The following COG8 variants were observed in gnomAD, a reference collection of about 807,000 sequenced individuals.
COG8 encodes the protein conserved oligomeric Golgi complex subunit 8.
In COG8, 45 loss-of-function variants were observed where a neutral mutation model predicts 46.5. The ratio of observed to expected loss-of-function variants is 0.97; its 90% CI spans 0.76 to 1.24. COG8 has a LOEUF of 1.24. Ranked by LOEUF, COG8 falls within the 50% of genes most tolerant of loss-of-function variation. COG8 has a pLI of 0.00. For missense variants in COG8, 793 were observed against 820.8 expected, an observed-to-expected ratio of 0.97 and a Z score of 0.41; for synonymous variants, 407 against 347.8, an observed-to-expected ratio of 1.17 and a Z score of -1.90.
In COG8 at chr16:69,328,776, T is replaced by G. The variant is rs1170775901; in HGVS notation, c.*430A>C. On this transcript the variant is annotated 3_prime_UTR_variant, in exon 6 of 6. Coordinates refer to ENST00000306875, the MANE Select transcript of COG8 (RefSeq NM_032382.5). ...TACCCCACCTTCCTCCATACAGAAT[T>G]GTTAGGAAATGTCCACTCCTTTGGG... is the stretch of plus-strand genomic sequence containing the variant. The G allele has an allele frequency of 2.0e-6, 1 of 494,768 alleles. No homozygotes were observed. Among genetic ancestry groups the G allele is most frequent in the Non-Finnish European group, 3.5e-6 (1 of 284,912 alleles). The allele number at this position is 494,768 out of a possible 1,614,324, so 30.6% of individuals were successfully genotyped here. A position where few individuals can be genotyped will look rare whatever the true frequency, so the allele number is the denominator to read the frequency against.
chr16:69,335,092 T>G lies in COG8; in HGVS notation c.842A>C (p.His281Pro). 1.2e-6 allele frequency: 2 copies of G among 1,614,148 alleles called. No individual in the cohort carries two copies. Among genetic ancestry groups the G allele is most frequent in the Non-Finnish European group, 1.7e-6 (2 of 1,180,024 alleles). ...GTACTGGGTGATGATATCAAAGAGA[T>G]GGACACGGGAGGCCTCGATGGTTTT... Reference protein sequence around the residue: ...ITKTIEASRVHLFDIITQYRA... With the variant: ...ITKTIEASRVPLFDIITQYRA... Residue 281 changes from histidine to proline, a missense_variant, in exon 3 of 6, where the codon CAT becomes CCT. Physicochemically the swap from His to Pro is moderately conservative, Grantham distance 77. Coordinates refer to ENST00000306875, the MANE Select transcript of COG8 (RefSeq NM_032382.5).
intron 4 of COG8, among the ~76,000 whole-genome samples, chr16:69,331,383 G>A (rs1476444422): frequency 2.7e-5 from 4 of 147,018 alleles, no homozygotes; most frequent in African/African-American, 1.0e-4. Flanking sequence ...AACCTAGGAG[G>A]TGGAGATTGC....
Position 69,336,568 on chromosome 16 carries a change from G to A in COG8, c.522C>T (p.Ala174=), listed in dbSNP as rs375227294. 339 of 1,613,980 alleles carry A rather than the reference G, an allele frequency of 2.1e-4. No homozygotes were observed. The highest frequency in any genetic ancestry group is 2.7e-4 in the Non-Finnish European group (319 of 1,180,026). The change falls in exon 2 of 6, where the codon GCC becomes GCT. Residue 174 remains alanine (A), a synonymous_variant. Coordinates refer to ENST00000306875, the MANE Select transcript of COG8 (RefSeq NM_032382.5). ...GGCGTACGTAGGCTGCAAGCTCCAGGGCCTCTTCATAATAACTGTTCCGGA... is the reference window on the plus strand; with the variant it reads ...GGCGTACGTAGGCTGCAAGCTCCAGAGCCTCTTCATAATAACTGTTCCGGA... ...TCVRNSYYEE[A]LELAAYVRRL... is the part of the protein sequence containing the mutation.
In COG8 at chr16:69,335,202, C is replaced by T; in HGVS notation, c.732G>A (p.Arg244=). ...CATCTCGGGCCTGAAGAAACTTCACCCTCAACTCAGCCTCAGTGAAGACGT... is the reference window on the plus strand; with the variant it reads ...CATCTCGGGCCTGAAGAAACTTCACTCTCAACTCAGCCTCAGTGAAGACGT... The part of the protein sequence containing the change: ...RMDVFTEAEL[R]VKFLQARDAW... The change falls in exon 3 of 6, where the codon AGG becomes AGA. Residue 244 remains arginine, a synonymous_variant. Transcript: ENST00000306875. 1.9e-6 allele frequency: 3 copies of T among 1,614,136 alleles called. No homozygotes were observed. The highest frequency in any genetic ancestry group is 1.7e-6 in the Non-Finnish European group (2 of 1,180,024).
intron 3 of COG8, among the ~76,000 whole-genome samples, chr16:69,333,565 G>A (rs1032771442): frequency 6.6e-6 from 1 of 152,202 alleles, no homozygotes; most frequent in Non-Finnish European, 1.5e-5. Context: ...TAAGCCCCGA[G>A]GTTTCAGAAA....
At chr16:69,331,453 CAAAAAAAAA>C (rs1185929938) in intron 4 of COG8, among the ~76,000 whole-genome samples, 2,504 of 61,306 alleles carry the variant, frequency 0.041, 114 homozygotes, top group African/African-American at 0.14. Context: ...AACTCCGTCT[CAAAAAAAAA>C]AAAAAAAAAA....
chr16:69,330,620 G>A, intron 5 of COG8, 193 bp downstream of exon 5: 3 of 1,409,182 alleles, frequency 2.1e-6, no homozygotes, highest in Non-Finnish European at 2.7e-6. Flanking sequence ...CCGCAGCGCG[G>A]GGCACGCCGG....
Position 69,330,905 on chromosome 16 carries a change from C to A in COG8, c.1773G>T (p.Ala591=). 6.4e-7 allele frequency: 1 copy of A among 1,553,184 alleles called. No homozygotes were observed. Among genetic ancestry groups the A allele is most frequent in the Non-Finnish European group, 8.7e-7 (1 of 1,148,424 alleles). Reference sequence around the variant, plus strand: ...GCCCTCCCTCCGGGCAGGCTGGGCCCGCGGGCTCCAGGCGTGGCTCCTCGG... The same window carrying A: ...GCCCTCCCTCCGGGCAGGCTGGGCCAGCGGGCTCCAGGCGTGGCTCCTCGG... ...PPAEEPRLEP[A]GPACPEGGRA... is the part of the protein sequence containing the mutation. Residue 591 remains alanine (A), a synonymous_variant, in exon 5 of 6, where the codon GCG becomes GCT. Transcript: ENST00000306875.
At chr16:69,330,382 C>G in intron 5 of COG8, 1 of 1,479,438 alleles carries the variant, frequency 6.8e-7, no homozygotes, top group Non-Finnish European at 8.9e-7. Context: ...CGTGCGAGAA[C>G]GGCGGTTCGG....
rs747998922 is a variant in COG8, at chr16:69,335,050, T to G, written c.884A>C (p.Asp295Ala). 2.5e-6 allele frequency: 4 copies of G among 1,614,022 alleles called. No homozygotes were observed. The highest frequency in any genetic ancestry group is 3.4e-6 in the Non-Finnish European group (4 of 1,180,022). ...IITQYRAIFS[D>A]EDPLLPPAMG... ...GGCAGGGGGCAGCAGTGGGTCCTCG[T>G]CTGAGAAGATGGCACGGTACTGGGT... The change falls in exon 3 of 6, where the codon GAC (aspartate) becomes GCC (alanine). Residue 295 changes from aspartate (D) to alanine (A), a missense_variant. Asp to Ala is a moderately radical substitution (Grantham distance 126). Coordinates refer to ENST00000306875, the MANE Select transcript of COG8 (RefSeq NM_032382.5).
In COG8 at chr16:69,339,024, T is replaced by C. The variant is rs3759979; in HGVS notation, c.377+152A>G. 318,822 of 1,025,476 alleles carry C rather than the reference T, an allele frequency of 0.31. 51,801 individuals are homozygous for C. The highest frequency in any genetic ancestry group is 0.37 in the South Asian group (25,786 of 70,436). 63.5% of individuals were successfully genotyped at this position (1,025,476 alleles called of 1,614,324 possible). ...GATAAAAAAGGAATAACAGTACCTA[T>C]CTCGAAGGCTGTTGTGAGGTTTAAA... On this transcript the variant is annotated intron_variant, in intron 1 of 5. Transcript: ENST00000306875.
At chr16:69,330,242 C>T (rs1238262952) in intron 5 of COG8, 1 of 1,442,366 alleles carries the variant, frequency 6.9e-7, no homozygotes. Context: ...CGCGCTTAGG[C>T]CCACGCAGCG....
rs112067303 is a variant in COG8, at chr16:69,328,043, G to T, written c.*1163C>A. 1 of 152,286 alleles carries T rather than the reference G, an allele frequency of 6.6e-6. No homozygotes were observed. The highest frequency in any genetic ancestry group is 2.4e-5 in the African/African-American group (1 of 41,548). 9.4% of individuals were successfully genotyped at this position (152,286 alleles called of 1,614,324 possible). ...AGCTCACTGTAACCTCCGCCTCCTG[G>T]GTTCAAGTAATTCTCTGCCTTGGCT... On this transcript the variant is annotated 3_prime_UTR_variant, in exon 6 of 6. Transcript: ENST00000306875.
intron 5 of COG8, chr16:69,330,305 C>A: frequency 2.1e-6 from 3 of 1,433,950 alleles, no homozygotes; most frequent in Non-Finnish European, 1.8e-6. Context: ...CAGCTCGGGC[C>A]CGCCTAGCTG....
intron 4 of COG8, among the ~76,000 whole-genome samples, chr16:69,331,913 C>A (rs145425241): frequency 3.9e-5 from 6 of 152,272 alleles, no homozygotes; most frequent in African/African-American, 1.4e-4. Flanking sequence ...GCAGCAGGAA[C>A]CCAGACCTCA....
chr16:69,335,560 T>C (rs1318697554), intron 2 of COG8, among the ~76,000 whole-genome samples: 1 of 152,120 alleles, frequency 6.6e-6, no homozygotes, highest in Non-Finnish European at 1.5e-5. Flanking sequence ...GTGCAGTGGC[T>C]CAAACCTGTA....
In COG8 at chr16:69,329,032, A is replaced by C; in HGVS notation, c.*174T>G. 2 of 1,608,628 alleles carry C rather than the reference A, an allele frequency of 1.2e-6. No homozygotes were observed. Among genetic ancestry groups the C allele is most frequent in the Non-Finnish European group, 1.7e-6 (2 of 1,178,424 alleles). On this transcript the variant is annotated 3_prime_UTR_variant, in exon 6 of 6. Transcript: ENST00000306875. ...CCCAGTAGCAAAGCTTTAGTCATTC[A>C]CCTTCATCCAATAGACGTTTGTGAA...
intron 4 of COG8, 70 bp downstream of exon 4, chr16:69,332,644 A>G (rs757073972): frequency 5.1e-5 from 71 of 1,386,728 alleles, no homozygotes; most frequent in Non-Finnish European, 6.6e-5. Flanking sequence ...TGACTTACAC[A>G]AATGGATGAA....
intron 1 of COG8, among the ~76,000 whole-genome samples, 184 bp from the exon 2 acceptor site, chr16:69,336,896 T>C (rs962191011): frequency 6.6e-6 from 1 of 152,190 alleles, no homozygotes; most frequent in African/African-American, 2.4e-5. Context: ...GTTAAGCAAC[T>C]TGTCCAAAAA....
Sources: gnomAD v4.1 joint callset for allele counts (sites outside exome capture counted in the v4.1 genomes callset) on GRCh38, gnomAD v4.1.1 for gene constraint, MANE v1.5 for transcripts, NCBI Gene and HGNC (gene_info 2026-07-23, HGNC 2026-07-21) for gene names.